Variants in TEAD1 observed in about 807,000 individuals in gnomAD.
TEAD1 encodes TEA domain transcription factor 1.
Under a neutral mutation model 54.9 loss-of-function variants are expected in TEAD1, and 9 were observed. That is an observed-to-expected ratio of 0.16 (90% CI 0.10 to 0.29). TEAD1 has a LOEUF of 0.29. Ranked by LOEUF, TEAD1 falls within the 10% of genes least tolerant of loss-of-function variation. The pLI is 1.00. For synonymous variants in TEAD1, 200 were observed against 187.8 expected (o/e 1.07, Z -0.53); for missense variants, 387 against 535.9 (o/e 0.72, Z 2.74).
chr11:12,901,819 C>A, intron 9 of TEAD1, 121 bp from the exon 10 acceptor site: 1 of 1,121,770 alleles, frequency 8.9e-7, no homozygotes, highest in Non-Finnish European at 1.4e-6. Flanking sequence ...AGCATTGATC[C>A]TGGACTGGAA....
chr11:12,681,900 A>G (rs2133811907), intron 2 of TEAD1, among the ~76,000 whole-genome samples: 1 of 152,376 alleles, frequency 6.6e-6, no homozygotes, highest in East Asian at 1.9e-4. Flanking sequence ...ACTGAAACCC[A>G]GGTCAGCCTC....
At chr11:12,923,271 T>G (rs1353438868) in intron 10 of TEAD1, among the ~76,000 whole-genome samples, 2 of 152,156 alleles carry the variant, frequency 1.3e-5, no homozygotes, top group Non-Finnish European at 2.9e-5. Flanking sequence ...TCTTTAGCGC[T>G]TCTTTCTGGC....
chr11:12,807,585 G>T, intron 3 of TEAD1, among the ~76,000 whole-genome samples: 3 of 152,314 alleles, frequency 2.0e-5, no homozygotes, highest in East Asian at 3.9e-4. Flanking sequence ...AGGTAAAGGG[G>T]TTAGCACATA....
chr11:12,901,680 G>A lies in TEAD1; in HGVS notation c.700-260G>A, dbSNP rs188087168. ...TGGTAGCTGGGTAACTTAAGCTGTTGTTATTAATGTGTCCGCAAAAAAGCC... is the reference window on the plus strand; with the variant it reads ...TGGTAGCTGGGTAACTTAAGCTGTTATTATTAATGTGTCCGCAAAAAAGCC... On this transcript the variant is annotated intron_variant, in intron 9 of 12. Transcript: ENST00000527636. Among the ~76,000 whole-genome samples the A allele has an allele frequency of 6.6e-5, 10 of 152,282 alleles. No homozygotes were observed. In the East Asian group the frequency reaches 1.9e-3, roughly 29 times the overall value.
chr11:12,858,133 C>T (rs1479938645), intron 3 of TEAD1, among the ~76,000 whole-genome samples: 1 of 152,124 alleles, frequency 6.6e-6, no homozygotes, highest in Non-Finnish European at 1.5e-5. Context: ...AGAGATAGGA[C>T]TTAGGATGTC....
rs926461333 is a variant in TEAD1, at chr11:12,861,785, G to A, written c.203-465G>A. Among the ~76,000 whole-genome samples, 8 of 152,276 alleles carry A rather than the reference G, an allele frequency of 5.3e-5. No individual in the cohort carries two copies. The South Asian group carries it at 8.3e-4, about 16-fold the overall frequency. Reference sequence around the variant, plus strand: ...GTGGATCACCTGAGGTCGGGGGTTCGAGACCAGCCTGACCAACATGGAGAA... The same window carrying A: ...GTGGATCACCTGAGGTCGGGGGTTCAAGACCAGCCTGACCAACATGGAGAA... On this transcript the variant is annotated intron_variant, in intron 3 of 12. Coordinates refer to ENST00000527636, the MANE Select transcript of TEAD1 (RefSeq NM_021961.6).
chr11:12,872,459 C>T (rs1947769867), intron 5 of TEAD1, among the ~76,000 whole-genome samples: 1 of 152,222 alleles, frequency 6.6e-6, no homozygotes, highest in South Asian at 2.1e-4. Context: ...GACATATACG[C>T]TTTCTCCTCA....
intron 3 of TEAD1, among the ~76,000 whole-genome samples, chr11:12,843,475 A>G (rs1281294338): frequency 1.3e-5 from 2 of 152,268 alleles, no homozygotes; most frequent in Non-Finnish European, 1.5e-5. Flanking sequence ...AGTAATTACA[A>G]TGCGGGAAAT....
intron 11 of TEAD1, among the ~76,000 whole-genome samples, chr11:12,928,783 A>G (rs1195839973): frequency 6.6e-6 from 1 of 152,220 alleles, no homozygotes. Context: ...GGTGTATAAC[A>G]TGATGTTGTG....
chr11:12,800,271 C>T (rs1180055198), intron 3 of TEAD1, among the ~76,000 whole-genome samples: 1 of 152,200 alleles, frequency 6.6e-6, no homozygotes, highest in Admixed American at 6.5e-5. Flanking sequence ...TGAGTCAGAG[C>T]TCTGGGTCCT....
Position 12,935,476 on chromosome 11 carries a change from T to A in TEAD1, c.1168-1633T>A, listed in dbSNP as rs113738588. Among the ~76,000 whole-genome samples the A allele has an allele frequency of 4.9e-3, 674 of 136,364 alleles. 11 individuals are homozygous for A. Among genetic ancestry groups the A allele is most frequent in the African/African-American group, 0.019 (652 of 35,042 alleles). The allele number at this position is 136,364 out of a possible 152,430, so 89.5% of individuals were successfully genotyped here. On this transcript the variant is annotated intron_variant, in intron 12 of 12. Transcript: ENST00000527636. ...TATTTATTTATTTATTTATTTATTT[T>A]TGAGGTAGAGTCTTGCTCTGTTGCC...
At chr11:12,756,501 C>T (rs562612458) in intron 2 of TEAD1, among the ~76,000 whole-genome samples, 23 of 152,266 alleles carry the variant, frequency 1.5e-4, no homozygotes, top group African/African-American at 5.3e-4. Flanking sequence ...ATAACACAAC[C>T]CACTTTACAT....
chr11:12,776,057 A>G (rs1945411925), intron 3 of TEAD1, among the ~76,000 whole-genome samples: 1 of 151,806 alleles, frequency 6.6e-6, no homozygotes, highest in Non-Finnish European at 1.5e-5. Flanking sequence ...TCTCCCTTCC[A>G]CTTGTGGGTG....
intron 9 of TEAD1, among the ~76,000 whole-genome samples, chr11:12,888,835 C>T (rs997381579): frequency 1.3e-5 from 2 of 152,226 alleles, no homozygotes; most frequent in South Asian, 2.1e-4. Context: ...GTTGACTCCA[C>T]ATCCTGAGAT....
At chr11:12,721,057 C>G (rs945005858) in intron 2 of TEAD1, among the ~76,000 whole-genome samples, 1 of 152,112 alleles carries the variant, frequency 6.6e-6, no homozygotes, top group African/African-American at 2.4e-5. Context: ...GTTTGACTAC[C>G]CTGTGTTTAG....
At chr11:12,773,460 G>A (rs1321796708) in intron 3 of TEAD1, among the ~76,000 whole-genome samples, 1 of 152,152 alleles carries the variant, frequency 6.6e-6, no homozygotes, top group Non-Finnish European at 1.5e-5. Context: ...TTTTCATTGT[G>A]ATAGGTGTGT....
chr11:12,676,535 C>CGGG (rs1328339248), intron 2 of TEAD1, among the ~76,000 whole-genome samples: 2 of 152,192 alleles, frequency 1.3e-5, no homozygotes, highest in Non-Finnish European at 2.9e-5. Context: ...GCAGGGTCTT[C>CGGG]GGGTCCAAGC....
chr11:12,918,805 G>A (rs1166258247), intron 10 of TEAD1, among the ~76,000 whole-genome samples: 1 of 152,190 alleles, frequency 6.6e-6, no homozygotes, highest in Non-Finnish European at 1.5e-5. Flanking sequence ...ATATTCTACA[G>A]TAATGAGGAT....
chr11:12,883,628 C>T (rs1948018542), intron 9 of TEAD1, among the ~76,000 whole-genome samples: 1 of 152,288 alleles, frequency 6.6e-6, no homozygotes, highest in African/African-American at 2.4e-5. Flanking sequence ...CCTGAAAACT[C>T]TAAAGCCTAA....
Sources: allele counts gnomAD v4.1 joint callset (sites outside exome capture counted in the v4.1 genomes callset), GRCh38; gene constraint gnomAD v4.1.1; transcripts MANE v1.5; gene names NCBI Gene and HGNC (gene_info 2026-07-23, HGNC 2026-07-21).